SLC16A6: variants seen among roughly 807,000 people sequenced by gnomAD.
SLC16A6 encodes the protein solute carrier family 16 member 6, also known as monocarboxylate transporter 7.
SLC16A6 carries 15 observed loss-of-function variants against 33.8 expected under a neutral mutation model. That is an observed-to-expected ratio of 0.44 (90% CI 0.30 to 0.68). The LOEUF (loss-of-function observed/expected upper bound fraction) is 0.68, where lower values mean the gene tolerates loss of function less well. Ranked by LOEUF, SLC16A6 falls within the 30% of genes least tolerant of loss-of-function variation. The probability of loss-of-function intolerance (pLI) is 0.10; values close to 1 mark genes in which losing one functional copy is unlikely to be tolerated. For synonymous variants in SLC16A6, 219 were observed against 248.4 expected, an observed-to-expected ratio of 0.88 and a Z score of 1.11; for missense variants, 451 against 661.5, an observed-to-expected ratio of 0.68 and a Z score of 3.49.
rs782022906 is a variant in SLC16A6 at position 68,271,533 on chromosome 17, C to T, written c.627G>A (p.Ala209=). 78 of 1,614,008 alleles carry T rather than the reference C, an allele frequency of 4.8e-5. No individual in the cohort carries two copies. The highest frequency in any genetic ancestry group is 5.5e-5 in the Non-Finnish European group (65 of 1,180,028). The change falls in exon 5 of 6, where the codon GCG becomes GCA. Residue 209 remains alanine, a synonymous_variant. Coordinates refer to ENST00000580666, the MANE Select transcript of SLC16A6 (RefSeq NM_004694.5). This position sits in a 1 kb window ranked among gnomAD's most constrained non-coding sequence, Gnocchi z 5.3. ...LLRPIFIRGP[A]SPKIVIQENR... ...TTTCCTGGATGACTATTTTCGGTGACGCTGGTCCTCTGATAAAGATGGGTC... is the reference window on the plus strand; with the variant it reads ...TTTCCTGGATGACTATTTTCGGTGATGCTGGTCCTCTGATAAAGATGGGTC...
chr17:68,283,132 A>G (rs1196033877), intron 1 of SLC16A6: 2 of 151,926 alleles, frequency 1.3e-5, no homozygotes, highest in Non-Finnish European at 2.9e-5. Context: ...GTCTAAAAAA[A>G]ATTTTTTTTT....
chr17:68,278,705 G>A lies in SLC16A6; in HGVS notation c.-7-378C>T, dbSNP rs9897209. On this transcript the variant is annotated intron_variant, in intron 1 of 5. Transcript: ENST00000580666. ...TGTGATCTTGGCTCACTGAAATCTC[G>A]GCCTCCCGGGTTCAAGTGATTCTCC... Among the ~76,000 whole-genome samples the A allele has an allele frequency of 8.1e-3, 1,196 of 147,738 alleles. 17 individuals carry two copies. Among genetic ancestry groups the A allele is most frequent in the African/African-American group, 0.029 (1,155 of 40,084 alleles).
intron 5 of SLC16A6, 42 bp downstream of exon 5, chr17:68,270,797 G>C (rs782313663): frequency 9.3e-6 from 14 of 1,501,520 alleles, no homozygotes; most frequent in Admixed American, 8.4e-5. Context: ...CAATTCACAA[G>C]GGAAAGTAGA....
At chr17:68,282,779 T>TAAAAAAAAAAAAAAAAAAAAAAAAA (rs36155626) in intron 1 of SLC16A6, among the ~76,000 whole-genome samples, 3 of 53,404 alleles carry the variant, frequency 5.6e-5, no homozygotes, top group African/African-American at 1.9e-4. Context: ...CCATCTCTAC[T>TAAAAAAAAAAAAAAAAAAAAAAAAA]AAAAAAAAAA....
chr17:68,291,400 A>G (rs1288840010), upstream of SLC16A6: 1 of 147,134 alleles, frequency 6.8e-6, no homozygotes, highest in Non-Finnish European at 1.5e-5. Flanking sequence ...TACCGGCTGC[A>G]GCCGGTCTCC....
At chr17:68,272,219 T>C (rs1214019387) in intron 4 of SLC16A6, among the ~76,000 whole-genome samples, 1 of 152,164 alleles carries the variant, frequency 6.6e-6, no homozygotes, top group Non-Finnish European at 1.5e-5. Context: ...ATTACAGGTG[T>C]AAGCCACCGT....
In SLC16A6 at chr17:68,271,135, A is replaced by G; in HGVS notation, c.1025T>C (p.Phe342Ser). 1 of 1,614,214 alleles carries G rather than the reference A, an allele frequency of 6.2e-7. No individual in the cohort carries two copies. Among genetic ancestry groups the G allele is most frequent in the Non-Finnish European group, 8.5e-7 (1 of 1,180,042 alleles). Residue 342 changes from phenylalanine to serine, a missense_variant, in exon 5 of 6, where the codon TTC becomes TCC. Around this residue, in one of 2 missense-constraint regions of SLC16A6, gnomAD observed 405 missense variants for 510.7 expected, o/e 0.79. Transcript: ENST00000580666. This position sits in a 1 kb window ranked among gnomAD's most constrained non-coding sequence, Gnocchi z 5.3. ...GACAAAACCAGCTCCGATCCTTCCGAAAACTTCTGCAATGGCCATCGTAGA... is the reference window on the plus strand; with the variant it reads ...GACAAAACCAGCTCCGATCCTTCCGGAAACTTCTGCAATGGCCATCGTAGA... ...LLSTMAIAEV[F>S]GRIGAGFVLN... is the part of the protein sequence containing the mutation.
chr17:68,271,637 C>T lies in SLC16A6; in HGVS notation c.523G>A (p.Glu175Lys). ...AFAPAIMALKERIGWRYSLLF... is the reference protein window; with the variant it reads ...AFAPAIMALKKRIGWRYSLLF... Reference sequence around the variant, plus strand: ...AGGCTGTATCTCCAGCCAATGCGCTCCTTCAGAGCCATGATTGCTTGAATA... The same window carrying T: ...AGGCTGTATCTCCAGCCAATGCGCTTCTTCAGAGCCATGATTGCTTGAATA... The change falls in exon 5 of 6, where the codon GAG becomes AAG. Residue 175 changes from glutamate to lysine, a missense_variant. Glu to Lys is a moderately conservative substitution (Grantham distance 56). This residue lies in a region of SLC16A6 where 405 missense variants were observed against 510.7 expected (regional missense o/e 0.79). Coordinates refer to ENST00000580666, the MANE Select transcript of SLC16A6 (RefSeq NM_004694.5). This position sits in a 1 kb window ranked among gnomAD's most constrained non-coding sequence, Gnocchi z 5.3. The T allele has an allele frequency of 6.2e-7, 1 of 1,612,046 alleles. No homozygotes were observed. The highest frequency in any genetic ancestry group is 1.1e-5 in the South Asian group (1 of 91,040).
At chr17:68,274,328 T>C (rs1306598640) in intron 2 of SLC16A6, 2 of 311,510 alleles carry the variant, frequency 6.4e-6, no homozygotes, top group Non-Finnish European at 1.2e-5. Context: ...TAGCCAGGCA[T>C]GGTGGTGTGC....
rs10539245 is a variant in SLC16A6 at position 68,268,426 on chromosome 17, TTA to T, written c.*668_*669del. On this transcript the variant is annotated 3_prime_UTR_variant, in exon 6 of 6. Coordinates refer to ENST00000580666, the MANE Select transcript of SLC16A6 (RefSeq NM_004694.5). ...AATCTTCACATTTATGAAGTTCAAG[TTA>T]TATATATATATATATACTTAAAATT... is the stretch of plus-strand genomic sequence containing the variant. The T allele has an allele frequency of 0.6, 89,893 of 149,654 alleles. 27,507 individuals are homozygous for T. Among genetic ancestry groups the T allele is most frequent in the East Asian group, 0.72 (3,657 of 5,082 alleles). 9.3% of individuals were successfully genotyped at this position (149,654 alleles called of 1,614,324 possible).
At chr17:68,288,618 A>G (rs1404209898) in intron 1 of SLC16A6, among the ~76,000 whole-genome samples, 2 of 152,208 alleles carry the variant, frequency 1.3e-5, no homozygotes, top group Non-Finnish European at 2.9e-5. Context: ...AATCAAGGTA[A>G]ATGTAAAAAA....
intron 1 of SLC16A6, among the ~76,000 whole-genome samples, chr17:68,281,323 C>T (rs950992756): frequency 7.9e-5 from 12 of 152,104 alleles, no homozygotes; most frequent in African/African-American, 2.9e-4. Flanking sequence ...AATCCCAGCA[C>T]TTTGGGAGCC....
At chr17:68,278,617 C>CT (rs56870988) in intron 1 of SLC16A6, among the ~76,000 whole-genome samples, 7,343 of 111,968 alleles carry the variant, frequency 0.066, 308 homozygotes, top group Non-Finnish European at 0.09. Context: ...TTTCTTTTTC[C>CT]TTTTTTTTTT....
rs1305529121 is a variant in SLC16A6, at chr17:68,271,797, C to T, written c.506-143G>A. The T allele has an allele frequency of 3.0e-6, 2 of 657,392 alleles. No homozygotes were observed. The highest frequency in any genetic ancestry group is 5.2e-6 in the Non-Finnish European group (2 of 384,052). 40.7% of individuals were successfully genotyped at this position (657,392 alleles called of 1,614,324 possible). A position where few individuals can be genotyped will look rare whatever the true frequency, so the allele number is the denominator to read the frequency against. On this transcript the variant is annotated intron_variant, in intron 4 of 5. Transcript: ENST00000580666. This position sits in a 1 kb window ranked among gnomAD's most constrained non-coding sequence, Gnocchi z 5.3. ...TATTATACTCAGCAGTATGAATGTA[C>T]TCAATCTTTATTTATTTACTTTTTG...
intron 1 of SLC16A6, among the ~76,000 whole-genome samples, chr17:68,286,688 A>G (rs1250815281): frequency 6.6e-6 from 1 of 152,022 alleles, no homozygotes; most frequent in Non-Finnish European, 1.5e-5. Context: ...TATTTTTAGT[A>G]GAGATGAGGT....
Position 68,269,164 on chromosome 17 carries a change from C to G in SLC16A6, c.1504G>C (p.Glu502Gln), listed in dbSNP as rs781901290. 1.3e-6 allele frequency: 2 copies of G among 1,548,064 alleles called. No individual in the cohort carries two copies. The highest frequency in any genetic ancestry group is 4.2e-5 in the Admixed American group (2 of 47,600). The change falls in exon 6 of 6, where the codon GAA becomes CAA. Residue 502 changes from glutamate (E) to glutamine (Q), a missense_variant. Physicochemically the swap from Glu to Gln is conservative, Grantham distance 29. Around this residue, in one of 2 missense-constraint regions of SLC16A6, gnomAD observed 46 missense variants for 150.8 expected, o/e 0.31. Transcript: ENST00000580666. ...GCAAGATCCATTTCCAGAAAGTCTT[C>G]AGGTATGTCCTGTAAAGTCTTCCCA... The part of the protein sequence containing the change: ...HRGKTLQDIP[E>Q]DFLEMDLAKN...
chr17:68,280,053 G>A (rs1464042107), intron 1 of SLC16A6, among the ~76,000 whole-genome samples: 1 of 151,818 alleles, frequency 6.6e-6, no homozygotes, highest in Non-Finnish European at 1.5e-5. Context: ...ATGGTGGCAG[G>A]CACCTGTAAT....
chr17:68,290,892 G>A (rs532672644), intron 1 of SLC16A6, among the ~76,000 whole-genome samples, 194 bp downstream of exon 1: 1 of 145,332 alleles, frequency 6.9e-6, no homozygotes, highest in African/African-American at 2.6e-5. Context: ...GCGCGAGCGC[G>A]TCATCCCGGT....
At chr17:68,269,673 G>GTTTTTTTTTTTTTTTTTTTTT (rs782421181) in intron 5 of SLC16A6, among the ~76,000 whole-genome samples, 1 of 77,912 alleles carries the variant, frequency 1.3e-5, no homozygotes, top group Non-Finnish European at 2.2e-5. Flanking sequence ...TTCACTTTAG[G>GTTTTTTTTTTTTTTTTTTTTT]TTTTTTTTTT....
Sources: gnomAD v4.1 joint callset for allele counts (sites outside exome capture counted in the v4.1 genomes callset) on GRCh38, gnomAD v4.1.1 for gene constraint, gnomAD v4.1.1 regional missense constraint, Gnocchi (gnomAD v3.1) non-coding constraint, MANE v1.5 for transcripts, NCBI Gene and HGNC (gene_info 2026-07-23, HGNC 2026-07-21) for gene names.